The following TLCD1 variants were observed in gnomAD, a reference collection of about 807,000 sequenced individuals.
TLCD1 encodes the protein TLC domain-containing protein 1.
A neutral mutation model predicts 21.2 loss-of-function variants in TLCD1; 21 were observed. The observed-to-expected ratio is 0.99, with a 90% CI of 0.70 to 1.42. TLCD1 has a LOEUF of 1.42. TLCD1 is among the 40% of genes most tolerant of loss of function. The probability of loss-of-function intolerance (pLI) is 0.00; values close to 1 mark genes in which losing one functional copy is unlikely to be tolerated. For synonymous variants in TLCD1, 168 were observed against 134.8 expected, an observed-to-expected ratio of 1.25 and a Z score of -1.71; for missense variants, 344 against 330.3, an observed-to-expected ratio of 1.04 and a Z score of -0.32.
chr17:28,725,851 G>C (rs2034216592), intron 1 of TLCD1, 53 bp downstream of exon 1: 3 of 1,583,212 alleles, frequency 1.9e-6, no homozygotes, highest in East Asian at 2.3e-5. Context: ...AGCCGGCCCC[G>C]GCTCCCCGCT....
In TLCD1 at chr17:28,726,161, CCT is replaced by C; in HGVS notation, c.-66_-65del. 7.2e-7 allele frequency: 1 copy of C among 1,396,192 alleles called. No individual in the cohort carries two copies. The highest frequency in any genetic ancestry group is 9.2e-7 in the Non-Finnish European group (1 of 1,085,294). The allele number at this position is 1,396,192 out of a possible 1,614,324, so 86.5% of individuals were successfully genotyped here. A position where few individuals can be genotyped will look rare whatever the true frequency, so the allele number is the denominator to read the frequency against. On this transcript the variant is annotated 5_prime_UTR_variant, in exon 1 of 4. Coordinates refer to ENST00000292090, the MANE Select transcript of TLCD1 (RefSeq NM_138463.4). ...TAGGTCTGTTCTGGGAACCGGGATC[CCT>C]CTCGGGCCAGTCCAGGCCGGCCGCC...
upstream of TLCD1, chr17:28,726,988 T>TC: frequency 1.6e-6 from 1 of 640,612 alleles, no homozygotes. Flanking sequence ...CAGTTGCGGC[T>TC]CCTAGCCACT....
chr17:28,726,332 GC>G, upstream of TLCD1: 1 of 751,306 alleles, frequency 1.3e-6, no homozygotes, highest in Non-Finnish European at 1.6e-6. Flanking sequence ...CCGTCCGCCT[GC>G]CCCCGCCCCT....
upstream of TLCD1, chr17:28,727,295 C>G (rs997524455): frequency 5.4e-6 from 1 of 186,264 alleles, no homozygotes; most frequent in African/African-American, 2.3e-5. Context: ...CCTATGGCTC[C>G]AAGGTTACAC....
Position 28,724,449 on chromosome 17 carries a change from A to G in TLCD1, c.*61T>C. 6.4e-7 allele frequency: 1 copy of G among 1,570,472 alleles called. No individual in the cohort carries two copies. Among genetic ancestry groups the G allele is most frequent in the Non-Finnish European group, 8.6e-7 (1 of 1,157,506 alleles). ...ACACCCAGGCTTGGGGCTAAGTCCC[A>G]GTGTCCATATGAAGCTGTTTCTGGC... On this transcript the variant is annotated 3_prime_UTR_variant, in exon 4 of 4. Transcript: ENST00000292090.
chr17:28,726,615 G>C, upstream of TLCD1: 2 of 808,806 alleles, frequency 2.5e-6, no homozygotes, highest in Admixed American at 4.2e-5. Context: ...CGCAGAGCTG[G>C]ACGGGACCCG....
chr17:28,725,032 CT>C (rs2034193146), intron 3 of TLCD1, 139 bp from the exon 4 acceptor site: 4 of 1,024,024 alleles, frequency 3.9e-6, no homozygotes, highest in Non-Finnish European at 5.6e-6. Flanking sequence ...GGGTAAGATG[CT>C]TTGTTTTGTT....
At chr17:28,726,626 ACACGCC>A, upstream of TLCD1, 5 of 876,306 alleles carry the variant, frequency 5.7e-6, no homozygotes, top group South Asian at 7.3e-5. Flanking sequence ...ACGGGACCCG[ACACGCC>A]CACGCCCCCT....
chr17:28,724,991 CA>C (rs1027138117), intron 3 of TLCD1, 98 bp from the exon 4 acceptor site: 2 of 1,326,160 alleles, frequency 1.5e-6, no homozygotes, highest in African/African-American at 1.5e-5. Flanking sequence ...TGGAAAATCC[CA>C]AATTTCCCCC....
intron 3 of TLCD1, 79 bp from the exon 4 acceptor site, chr17:28,724,972 A>AT (rs1597799565): frequency 1.3e-6 from 2 of 1,503,264 alleles, no homozygotes; most frequent in Non-Finnish European, 1.8e-6. Flanking sequence ...TGGCTATCAG[A>AT]TTGAGGGCTG....
upstream of TLCD1, chr17:28,726,687 T>C: frequency 2.8e-6 from 4 of 1,443,742 alleles, no homozygotes; most frequent in East Asian, 9.9e-5. Context: ...CGTCCGACAG[T>C]GGTCTCCGTG....
chr17:28,725,154 T>A, intron 3 of TLCD1, 150 bp downstream of exon 3: 1 of 961,008 alleles, frequency 1.0e-6, no homozygotes, highest in South Asian at 1.6e-5. Context: ...AAGTACAGAC[T>A]GCCAACCTCC....
At chr17:28,725,596 C>A (rs1183131477) in intron 1 of TLCD1, 33 bp from the exon 2 acceptor site, 1 of 1,607,220 alleles carries the variant, frequency 6.2e-7, no homozygotes, top group African/African-American at 1.3e-5. Context: ...CTCTGCATTT[C>A]GGCACCCTCA....
rs141892601 is a variant in TLCD1 at position 28,725,090 on chromosome 17, G to C, written c.361-197C>G. Among the ~76,000 whole-genome samples, 8 of 152,284 alleles carry C rather than the reference G, an allele frequency of 5.3e-5. No individual in the cohort carries two copies. The East Asian group carries it at 1.5e-3, about 29-fold the overall frequency. ...GATTGCTGCTCACAGCTGGCTGTGG[G>C]TGATGTTCAGTCTAAAGAGGCAGTG... is the stretch of plus-strand genomic sequence containing the variant. On this transcript the variant is annotated intron_variant, in intron 3 of 3. Transcript: ENST00000292090.
chr17:28,727,214 G>A (rs929475934), upstream of TLCD1: 2 of 230,040 alleles, frequency 8.7e-6, no homozygotes, highest in Admixed American at 5.0e-5. Context: ...GGTGCTGCGG[G>A]CGGGAGGAAG....
chr17:28,725,954 C>T lies in TLCD1; in HGVS notation c.144G>A (p.Leu48=), dbSNP rs143494967. 48 of 1,612,766 alleles carry T rather than the reference C, an allele frequency of 3.0e-5. No homozygotes were observed. Among genetic ancestry groups the T allele is most frequent in the Middle Eastern group, 1.7e-4 (1 of 6,052 alleles). ...DPLRTWRWHN[L]LVSFAHSIVS... is the part of the protein sequence containing the mutation. ...CAATGGAGTGAGCGAAGGAGACGAG[C>T]AGGTTGTGCCAGCGCCAGGTGCGCA... The change falls in exon 1 of 4, where the codon CTG becomes CTA. Residue 48 remains leucine (L), a synonymous_variant. Transcript: ENST00000292090.
upstream of TLCD1, chr17:28,727,165 G>GT (rs928250820): frequency 3.7e-5 from 9 of 245,906 alleles, no homozygotes; most frequent in Non-Finnish European, 6.5e-5. Flanking sequence ...GAAGAGGGTA[G>GT]TAATAGAGGA....
upstream of TLCD1, chr17:28,727,034 C>G: frequency 3.4e-6 from 2 of 588,032 alleles, no homozygotes; most frequent in Non-Finnish European, 6.1e-6. Context: ...CGCGGGCTCC[C>G]CCTCCCGCCT....
chr17:28,725,385 C>G lies in TLCD1; in HGVS notation c.279G>C (p.Gly93=), dbSNP rs186727058. Residue 93 remains glycine (G), a splice_region_variant and synonymous_variant, in exon 3 of 4, where the codon GGG becomes GGC. Transcript: ENST00000292090. ...SGYLLVCFSA[G]YFIHDTVDIV... Reference sequence around the variant, plus strand: ...TGTCCACCGTATCGTGGATGAAATACCCTAGTGGAGGGATGGGGCAAGAGA... The same window carrying G: ...TGTCCACCGTATCGTGGATGAAATAGCCTAGTGGAGGGATGGGGCAAGAGA... The G allele has an allele frequency of 2.9e-5, 47 of 1,614,186 alleles. No homozygotes were observed. The East Asian group carries it at 1.0e-3, about 34-fold the overall frequency.
Sources: allele counts gnomAD v4.1 joint callset (sites outside exome capture counted in the v4.1 genomes callset), GRCh38; gene constraint gnomAD v4.1.1; transcripts MANE v1.5; gene names NCBI Gene and HGNC (gene_info 2026-07-23, HGNC 2026-07-21).